Variants in AAMDC observed in about 807,000 individuals in gnomAD.
The protein encoded by AAMDC is adipogenesis associated Mth938 domain containing.
In AAMDC, 16 loss-of-function variants were observed where a neutral mutation model predicts 15.5. That is an observed-to-expected ratio of 1.03 (90% CI 0.70 to 1.57). AAMDC has a LOEUF of 1.57. Ranked by LOEUF, AAMDC falls within the 40% of genes most tolerant of loss-of-function variation. AAMDC has a pLI of 0.00. For synonymous variants in AAMDC, 51 were observed against 51.6 expected (o/e 0.99, Z 0.05); for missense variants, 141 against 144.9 (o/e 0.97, Z 0.14).
chr11:77,891,879 T>G, intron 5 of AAMDC: 6 of 1,610,310 alleles, frequency 3.7e-6, no homozygotes, highest in Non-Finnish European at 5.1e-6. Flanking sequence ...CATTCAACTG[T>G]GCACTCATTC....
At chr11:77,852,913 T>C (rs985807527) in intron 2 of AAMDC, among the ~76,000 whole-genome samples, 2 of 152,218 alleles carry the variant, frequency 1.3e-5, no homozygotes, top group Non-Finnish European at 2.9e-5. Flanking sequence ...ACTTTGTGAA[T>C]GTAATATTGT....
At chr11:77,848,635 C>G (rs1950243356) in intron 2 of AAMDC, among the ~76,000 whole-genome samples, 1 of 152,156 alleles carries the variant, frequency 6.6e-6, no homozygotes, top group African/African-American at 2.4e-5. Flanking sequence ...GCTGGGATTA[C>G]AAGTGTGAGC....
Position 77,872,226 on chromosome 11 carries a change from G to T in AAMDC, c.280G>T (p.Val94Phe). 1 of 1,613,800 alleles carries T rather than the reference G, an allele frequency of 6.2e-7. No individual in the cohort carries two copies. ...YLKKHGIDVR[V>F]LQTEQAVKEY... ...CAAGAAACATGGCATTGATGTGCGG[G>T]TCCTCCAGACAGAGCAGGCAGTGAA... The change falls in exon 4 of 4, where the codon GTC becomes TTC. Residue 94 changes from valine (V) to phenylalanine (F), a missense_variant. Val to Phe is a conservative substitution (Grantham distance 50). Transcript: ENST00000393427.
chr11:77,854,544 T>A (rs557361092), intron 2 of AAMDC, among the ~76,000 whole-genome samples: 7 of 152,276 alleles, frequency 4.6e-5, no homozygotes, highest in Non-Finnish European at 1.0e-4. Context: ...AACTTAAAAC[T>A]CCAAAATAAT....
At chr11:77,895,029 T>G (rs1591021573) in intron 5 of AAMDC, among the ~76,000 whole-genome samples, 1 of 152,194 alleles carries the variant, frequency 6.6e-6, no homozygotes, top group Admixed American at 6.5e-5. Context: ...GGGGAAAAGG[T>G]TTTGTTACTA....
chr11:77,903,720 A>G, downstream of AAMDC: 1 of 811,666 alleles, frequency 1.2e-6, no homozygotes. Context: ...GTCTCCCATG[A>G]ACATGACTTC....
chr11:77,846,697 A>T (rs536175370), intron 2 of AAMDC, among the ~76,000 whole-genome samples: 9 of 152,276 alleles, frequency 5.9e-5, no homozygotes, highest in Admixed American at 5.9e-4. Flanking sequence ...CAAGAGTGAA[A>T]CTACATCTCA....
intron 2 of AAMDC, among the ~76,000 whole-genome samples, chr11:77,855,163 T>C (rs1950560631): frequency 6.6e-6 from 1 of 152,176 alleles, no homozygotes; most frequent in Non-Finnish European, 1.5e-5. Context: ...TATTTCCTCC[T>C]AGGCCTCCAG....
intron 1 of AAMDC, among the ~76,000 whole-genome samples, chr11:77,838,895 C>T (rs148970036): frequency 2.1e-3 from 323 of 152,248 alleles, no homozygotes; most frequent in African/African-American, 6.9e-3. Context: ...GGATTACAGG[C>T]GTGAGCCACC....
intron 2 of AAMDC, among the ~76,000 whole-genome samples, chr11:77,856,182 C>T (rs1191530051): frequency 6.6e-6 from 1 of 152,224 alleles, no homozygotes; most frequent in Non-Finnish European, 1.5e-5. Context: ...CAAAGTTCTA[C>T]AGATCTCTAG....
chr11:77,836,170 T>C (rs1326969028), intron 1 of AAMDC, among the ~76,000 whole-genome samples: 1 of 152,140 alleles, frequency 6.6e-6, no homozygotes, highest in Non-Finnish European at 1.5e-5. Flanking sequence ...CCAGTTCAAA[T>C]ACTATTTCCT....
chr11:77,861,956 T>C (rs1950897603), intron 2 of AAMDC, among the ~76,000 whole-genome samples: 1 of 152,222 alleles, frequency 6.6e-6, no homozygotes, highest in South Asian at 2.1e-4. Flanking sequence ...CGGCCTTCAG[T>C]ACAGTCAGGT....
intron 5 of AAMDC, among the ~76,000 whole-genome samples, chr11:77,893,302 A>G (rs1186682067): frequency 1.3e-5 from 2 of 152,252 alleles, no homozygotes; most frequent in Admixed American, 6.5e-5. Context: ...ATAGAGAAAT[A>G]TGCAAGTGTA....
intron 1 of AAMDC, among the ~76,000 whole-genome samples, chr11:77,837,407 A>T (rs1949732542): frequency 6.7e-6 from 1 of 150,018 alleles, no homozygotes; most frequent in African/African-American, 2.5e-5. Context: ...AAATGCTGGC[A>T]TCACAGATGT....
intron 2 of AAMDC, among the ~76,000 whole-genome samples, chr11:77,863,166 C>A (rs1283603251): frequency 6.6e-6 from 1 of 152,096 alleles, no homozygotes; most frequent in Non-Finnish European, 1.5e-5. Context: ...GGAAGAGAAC[C>A]GTGGAACCCA....
chr11:77,872,097 T>C, intron 3 of AAMDC, 78 bp from the exon 4 acceptor site: 1 of 1,460,130 alleles, frequency 6.8e-7, no homozygotes. Context: ...TTCTGTAGAG[T>C]ACACCTGCCT....
intron 5 of AAMDC, among the ~76,000 whole-genome samples, chr11:77,895,389 C>G (rs1952465740): frequency 6.6e-6 from 1 of 151,654 alleles, no homozygotes; most frequent in African/African-American, 2.4e-5. Flanking sequence ...CATGAGTAGA[C>G]TTTGTATTCT....
chr11:77,822,248 T>G (rs952058139), intron 1 of AAMDC, among the ~76,000 whole-genome samples: 2 of 151,838 alleles, frequency 1.3e-5, no homozygotes, highest in African/African-American at 4.8e-5. Context: ...CAGACCAGCC[T>G]GGGCAACATG....
intron 5 of AAMDC, among the ~76,000 whole-genome samples, chr11:77,881,380 A>G (rs1469301780): frequency 6.6e-6 from 1 of 152,160 alleles, no homozygotes; most frequent in African/African-American, 2.4e-5. Flanking sequence ...AGCTCCCTAG[A>G]AACTCCAGGC....
Sources: gnomAD v4.1 joint callset for allele counts (sites outside exome capture counted in the v4.1 genomes callset) on GRCh38, gnomAD v4.1.1 for gene constraint, MANE v1.5 for transcripts, NCBI Gene and HGNC (gene_info 2026-07-23, HGNC 2026-07-21) for gene names.